The following SYCP2 variants were observed in gnomAD, a reference collection of about 807,000 sequenced individuals.
SYCP2 encodes the protein synaptonemal complex lateral element protein.
In SYCP2, 55 loss-of-function variants were observed where a neutral mutation model predicts 211.3. The ratio of observed to expected loss-of-function variants is 0.26; its 90% CI spans 0.21 to 0.33. SYCP2 has a LOEUF of 0.33. Among genes scored for constraint, SYCP2 ranks in the 10% least tolerant of loss-of-function variants. SYCP2 has a pLI of 1.00. For missense variants in SYCP2, 1,731 were observed against 1,752.0 expected (o/e 0.99, Z 0.21); for synonymous variants, 570 against 555.2 (o/e 1.03, Z -0.37).
At position 59,872,389 on chromosome 20, in the gene SYCP2, C is replaced by T. The variant is rs62205066; in HGVS notation, c.3555+1467G>A. On this transcript the variant is annotated intron_variant, in intron 35 of 44. Coordinates refer to ENST00000357552, the MANE Select transcript of SYCP2 (RefSeq NM_014258.4). ...GTCAAGTAATAGCCATCTCAGTTAT[C>T]AGATTGACTGTGGAGATATCGTAGT... 6.3e-3 allele frequency among the ~76,000 whole-genome samples: 959 copies of T among 152,062 alleles called. 8 individuals are homozygous for T. The highest frequency in any genetic ancestry group is 0.01 in the Admixed American group (157 of 15,230).
At chr20:59,914,823 AATTAAGCCATTAT>A (rs2060404396) in intron 10 of SYCP2, among the ~76,000 whole-genome samples, 1 of 152,024 alleles carries the variant, frequency 6.6e-6, no homozygotes, top group African/African-American at 2.4e-5. Flanking sequence ...TCTACTGAAA[AATTAAGCCATTAT>A]ATTAAGCTAT....
intron 14 of SYCP2, among the ~76,000 whole-genome samples, chr20:59,911,183 G>A (rs777437253): frequency 6.6e-6 from 1 of 152,134 alleles, no homozygotes; most frequent in Non-Finnish European, 1.5e-5. Context: ...ATACGAGGTG[G>A]TAGCTATTAT....
At chr20:59,868,709 C>T in intron 37 of SYCP2, 126 bp downstream of exon 37, 1 of 1,240,456 alleles carries the variant, frequency 8.1e-7, no homozygotes, top group Non-Finnish European at 1.1e-6. Context: ...TCAATTCTAC[C>T]TAGTTTATTT....
intron 14 of SYCP2, among the ~76,000 whole-genome samples, chr20:59,908,382 A>C (rs2060251635): frequency 6.6e-6 from 1 of 152,148 alleles, no homozygotes; most frequent in African/African-American, 2.4e-5. Context: ...CTATACCTTA[A>C]TTGAAACCAG....
At chr20:59,900,618 G>A (rs753073857) in intron 17 of SYCP2, 126 bp downstream of exon 17, 13 of 643,736 alleles carry the variant, frequency 2.0e-5, no homozygotes, top group African/African-American at 5.5e-5. Flanking sequence ...ATTTTATTGG[G>A]GTACTGTTTA....
At chr20:59,914,059 A>G (rs1232368791) in intron 11 of SYCP2, 32 bp from the exon 12 acceptor site, 1 of 1,576,110 alleles carries the variant, frequency 6.3e-7, no homozygotes, top group African/African-American at 1.4e-5. Flanking sequence ...TTTAAAAATC[A>G]TAATAATTTT....
chr20:59,921,854 A>C (rs950476161), intron 3 of SYCP2, among the ~76,000 whole-genome samples: 24 of 151,658 alleles, frequency 1.6e-4, no homozygotes, highest in African/African-American at 5.3e-4. Context: ...AAATACATAA[A>C]GACAGGCAAA....
chr20:59,896,073 A>G (rs770402196), intron 19 of SYCP2, among the ~76,000 whole-genome samples: 1 of 144,646 alleles, frequency 6.9e-6, no homozygotes, highest in Non-Finnish European at 1.6e-5. Context: ...CCACTTATAG[A>G]AAAAAAAACT....
At position 59,892,163 on chromosome 20, in the gene SYCP2, T is replaced by C; in HGVS notation, c.2191A>G (p.Lys731Glu). 1 of 1,612,414 alleles carries C rather than the reference T, an allele frequency of 6.2e-7. No homozygotes were observed. Among genetic ancestry groups the C allele is most frequent in the Non-Finnish European group, 8.5e-7 (1 of 1,179,062 alleles). Residue 731 changes from lysine (K) to glutamate (E), a missense_variant, in exon 24 of 45, where the codon AAG becomes GAG. Coordinates refer to ENST00000357552, the MANE Select transcript of SYCP2 (RefSeq NM_014258.4). ...TATATCAGCGATTCTTCAATTGTCT[T>C]ATTTAGGAGAACCGATTTAAAAGTA... ...ETTFKSVLLN[K>E]TIEESLIYRK...
At chr20:59,903,044 A>T (rs1341200054) in intron 15 of SYCP2, among the ~76,000 whole-genome samples, 3 of 152,110 alleles carry the variant, frequency 2.0e-5, no homozygotes, top group Non-Finnish European at 2.9e-5. Context: ...TTGCTTGCAC[A>T]TGGTATTAGA....
chr20:59,910,374 A>ATTTTTTTTTTTTTT lies in SYCP2; in HGVS notation c.972+1362_972+1375dup, dbSNP rs898302276. Among the ~76,000 whole-genome samples, 6 of 76,234 alleles carry ATTTTTTTTTTTTTT rather than the reference A, an allele frequency of 7.9e-5. 1 individual carries two copies. The highest frequency in any genetic ancestry group is 3.6e-4 in the African/African-American group (6 of 16,900). The allele number at this position is 76,234 out of a possible 152,430, so 50.0% of individuals were successfully genotyped here. ...GTATACTGCTATAGTGTAATTGCTT[A>ATTTTTTTTTTTTTT]TTTTTTTTTTTTTTTTTTTTTTTTT... On this transcript the variant is annotated intron_variant, in intron 14 of 44. Transcript: ENST00000357552.
In SYCP2 at chr20:59,873,973, A is replaced by C; in HGVS notation, c.3438T>G (p.Leu1146=). ...CTCCACTGTTACTATTTAAGGATTC[A>C]AGTGATGAAGTTTTTGGATAAGGTG... ...SISPYPKTSS[L]ESLNSNSGVG... is the part of the protein sequence containing the mutation. The change falls in exon 35 of 45, where the codon CTT becomes CTG. Residue 1146 remains leucine (L), a synonymous_variant. Transcript: ENST00000357552. The C allele has an allele frequency of 6.2e-7, 1 of 1,613,198 alleles. No homozygotes were observed. The highest frequency in any genetic ancestry group is 8.5e-7 in the Non-Finnish European group (1 of 1,179,470).
chr20:59,921,143 TCAAA>T (rs554832587), intron 4 of SYCP2, among the ~76,000 whole-genome samples, 163 bp downstream of exon 4: 87 of 151,750 alleles, frequency 5.7e-4, no homozygotes, highest in African/African-American at 1.9e-3. Context: ...TTGAGATTCC[TCAAA>T]CAAACAAACA....
chr20:59,917,730 TTCAA>T (rs1157852014), intron 7 of SYCP2, among the ~76,000 whole-genome samples: 5 of 152,206 alleles, frequency 3.3e-5, no homozygotes, highest in Non-Finnish European at 7.3e-5. Flanking sequence ...GTAAGTCTTC[TTCAA>T]TCAACACAGA....
rs1287141915 is a variant in SYCP2 at position 59,866,218 on chromosome 20, AAG to A, written c.4320+73_4320+74del. 7.4e-6 allele frequency: 7 copies of A among 949,270 alleles called. No individual in the cohort carries two copies. In the East Asian group the frequency reaches 1.1e-4, roughly 15 times the overall value. The allele number at this position is 949,270 out of a possible 1,614,324, so 58.8% of individuals were successfully genotyped here. On this transcript the variant is annotated intron_variant, in intron 41 of 44. Transcript: ENST00000357552. ...AAAGCTTTAGGATGTGCTCCCAAAA[AAG>A]AAAGTTTTTCCAAGTATAGCTCTTT...
chr20:59,922,315 G>T, intron 3 of SYCP2, 75 bp downstream of exon 3: 4 of 1,281,144 alleles, frequency 3.1e-6, no homozygotes, highest in Non-Finnish European at 4.3e-6. Context: ...TAAAAACATA[G>T]CACTGAATAC....
At chr20:59,908,883 C>T (rs1282342624) in intron 14 of SYCP2, among the ~76,000 whole-genome samples, 1 of 152,148 alleles carries the variant, frequency 6.6e-6, no homozygotes, top group Non-Finnish European at 1.5e-5. Context: ...AAAACCCCTA[C>T]ATTGAATCCA....
At chr20:59,919,220 T>C in intron 6 of SYCP2, 38 bp from the exon 7 acceptor site, 1 of 1,027,234 alleles carries the variant, frequency 9.7e-7, no homozygotes, top group East Asian at 2.5e-5. Flanking sequence ...TACAAGTTAC[T>C]ATATATTACA....
At chr20:59,878,785 T>C (rs962673699) in intron 31 of SYCP2, among the ~76,000 whole-genome samples, 4 of 152,144 alleles carry the variant, frequency 2.6e-5, no homozygotes, top group Admixed American at 1.3e-4. Flanking sequence ...TTTACCCATA[T>C]TATTGATAGC....
Sources: gnomAD v4.1 joint callset for allele counts (sites outside exome capture counted in the v4.1 genomes callset) on GRCh38, gnomAD v4.1.1 for gene constraint, MANE v1.5 for transcripts, NCBI Gene and HGNC (gene_info 2026-07-23, HGNC 2026-07-21) for gene names.